Variants in GLIS3 observed in about 807,000 individuals in gnomAD.
The protein encoded by GLIS3 is zinc finger protein GLIS3.
GLIS3 carries 53 observed loss-of-function variants against 78.6 expected under a neutral mutation model. That is an observed-to-expected ratio of 0.67 (90% CI 0.54 to 0.85). The LOEUF is 0.85. Ranked by LOEUF, GLIS3 falls within the 40% of genes least tolerant of loss-of-function variation. The probability of loss-of-function intolerance (pLI) is 0.00; values close to 1 mark genes in which losing one functional copy is unlikely to be tolerated. For missense variants in GLIS3, 1,703 were observed against 1,231.1 expected, an observed-to-expected ratio of 1.38 and a Z score of -5.74; for synonymous variants, 684 against 509.9, an observed-to-expected ratio of 1.34 and a Z score of -4.60.
chr9:4,245,560 T>C (rs568005695), intron 2 of GLIS3, among the ~76,000 whole-genome samples: 2 of 152,338 alleles, frequency 1.3e-5, no homozygotes, highest in South Asian at 2.1e-4. Context: ...GTGCAGTGGA[T>C]GCTAAATACG....
chr9:4,400,116 G>A, the GLIS3 span, among the ~76,000 whole-genome samples: 1 of 152,160 alleles, frequency 6.6e-6, no homozygotes, highest in African/African-American at 2.4e-5. Context: ...TATCATTGGT[G>A]TTTTCAACAC....
At chr9:4,249,851 G>A (rs1824182087) in intron 2 of GLIS3, among the ~76,000 whole-genome samples, 1 of 152,146 alleles carries the variant, frequency 6.6e-6, no homozygotes, top group Non-Finnish European at 1.5e-5. Flanking sequence ...TTTATCGAAG[G>A]CCTTTTGTGC....
chr9:3,953,692 T>A (rs1168732875), intron 4 of GLIS3, among the ~76,000 whole-genome samples: 2 of 152,030 alleles, frequency 1.3e-5, no homozygotes, highest in Non-Finnish European at 2.9e-5. Context: ...ATATTTTTGA[T>A]AACAATTCTT....
chr9:4,204,842 A>G (rs993476382), intron 2 of GLIS3, among the ~76,000 whole-genome samples: 1 of 151,582 alleles, frequency 6.6e-6, no homozygotes, highest in Non-Finnish European at 1.5e-5. Flanking sequence ...TGAACCCGGA[A>G]GGCGGAGGTT....
At chr9:4,128,919 G>A (rs987127885) in intron 2 of GLIS3, among the ~76,000 whole-genome samples, 1 of 152,216 alleles carries the variant, frequency 6.6e-6, no homozygotes, top group Non-Finnish European at 1.5e-5. Context: ...AAAAGGCCAA[G>A]AAGCGATCAC....
intron 4 of GLIS3, among the ~76,000 whole-genome samples, chr9:4,053,160 G>C (rs886213028): frequency 3.3e-5 from 5 of 152,130 alleles, no homozygotes; most frequent in Non-Finnish European, 5.9e-5. Flanking sequence ...TGTTGGCCCA[G>C]CTGGTCTCGA....
intron 4 of GLIS3, chr9:4,054,533 C>G (rs1172153556): frequency 1.0e-6 from 1 of 980,242 alleles, no homozygotes; most frequent in Non-Finnish European, 1.2e-6. Flanking sequence ...AGGAGGCAAA[C>G]ACAGATCTGA....
chr9:4,094,964 C>T (rs910611443), intron 4 of GLIS3, among the ~76,000 whole-genome samples: 1 of 152,144 alleles, frequency 6.6e-6, no homozygotes, highest in African/African-American at 2.4e-5. Flanking sequence ...ACATGTAATA[C>T]ATAGTGATCA....
chr9:4,247,253 G>C (rs1364077753), intron 2 of GLIS3, among the ~76,000 whole-genome samples: 1 of 152,254 alleles, frequency 6.6e-6, no homozygotes, highest in East Asian at 1.9e-4. Flanking sequence ...TCAAGCAGTT[G>C]TTTTAAGGGG....
chr9:4,442,139 G>T, the GLIS3 span, among the ~76,000 whole-genome samples: 1 of 152,004 alleles, frequency 6.6e-6, no homozygotes, highest in Non-Finnish European at 1.5e-5. Context: ...CTCACTATTG[G>T]GCTGTTCAAA....
At chr9:4,181,277 C>T (rs543448343) in intron 2 of GLIS3, among the ~76,000 whole-genome samples, 64 of 152,370 alleles carry the variant, frequency 4.2e-4, no homozygotes, top group Non-Finnish European at 7.6e-4. Context: ...TCGCCTCATG[C>T]AGACACTTTT....
intron 1 of GLIS3, among the ~76,000 whole-genome samples, chr9:4,287,126 G>C (rs1828068515): frequency 6.6e-6 from 1 of 152,140 alleles, no homozygotes; most frequent in African/African-American, 2.4e-5. Flanking sequence ...GGCAGCATTA[G>C]AGTCTTGGTT....
chr9:4,369,463 T>C, the GLIS3 span, among the ~76,000 whole-genome samples: 2 of 152,232 alleles, frequency 1.3e-5, no homozygotes, highest in Non-Finnish European at 2.9e-5. Context: ...TTCTGTTATA[T>C]AGTTTCTAGG....
Position 4,241,872 on chromosome 9 carries a change from CG to C in GLIS3, c.388+44165del, listed in dbSNP as rs1462300516. On this transcript the variant is annotated intron_variant, in intron 2 of 10. Transcript: ENST00000381971. ...TAGTGGTTTTATTTTTATGTAGAGA[CG>C]GGGTTTTGCCATGTTGGCCAGGCTG... is the stretch of plus-strand genomic sequence containing the variant. Among the ~76,000 whole-genome samples the C allele has an allele frequency of 2.8e-4, 43 of 152,002 alleles. 1 individual carries two copies. Among genetic ancestry groups the C allele is most frequent in the African/African-American group, 1.0e-3 (42 of 41,388 alleles).
intron 4 of GLIS3, among the ~76,000 whole-genome samples, chr9:3,963,261 G>C (rs1817700996): frequency 1.3e-5 from 2 of 152,152 alleles, no homozygotes; most frequent in African/African-American, 4.8e-5. Context: ...CCCTTTTGCA[G>C]GTTCTGAAAT....
At chr9:4,143,903 AAG>A (rs1167972923) in intron 2 of GLIS3, among the ~76,000 whole-genome samples, 1 of 152,244 alleles carries the variant, frequency 6.6e-6, no homozygotes, top group Non-Finnish European at 1.5e-5. Flanking sequence ...AAATGTTTGA[AAG>A]AGATTTTCCA....
intron 2 of GLIS3, among the ~76,000 whole-genome samples, chr9:4,126,639 C>A (rs932183972): frequency 6.6e-6 from 1 of 152,136 alleles, no homozygotes; most frequent in African/African-American, 2.4e-5. Flanking sequence ...AAAAAAGGAA[C>A]CCACAAGAAT....
chr9:4,461,146 T>G, the GLIS3 span, among the ~76,000 whole-genome samples: 5 of 152,170 alleles, frequency 3.3e-5, no homozygotes, highest in Non-Finnish European at 7.4e-5. Flanking sequence ...AAATGAACCA[T>G]GCAAATCAAG....
intron 8 of GLIS3, among the ~76,000 whole-genome samples, chr9:3,860,008 G>A (rs572552741): frequency 2.0e-5 from 3 of 151,798 alleles, no homozygotes; most frequent in South Asian, 2.1e-4. Flanking sequence ...AAGCGTGGTG[G>A]CTCACGCCTG....
Sources: gnomAD v4.1 joint callset for allele counts (sites outside exome capture counted in the v4.1 genomes callset) on GRCh38, gnomAD v4.1.1 for gene constraint, MANE v1.5 for transcripts, NCBI Gene and HGNC (gene_info 2026-07-23, HGNC 2026-07-21) for gene names.